The following IFT74 variants were observed in gnomAD, a reference collection of about 807,000 sequenced individuals.
The protein encoded by IFT74 is intraflagellar transport protein 74 homolog.
Under a neutral mutation model 96.7 loss-of-function variants are expected in IFT74, and 92 were observed. The ratio of observed to expected loss-of-function variants is 0.95; its 90% CI spans 0.80 to 1.13. The LOEUF (loss-of-function observed/expected upper bound fraction) is 1.13. IFT74 is among the 50% of genes most tolerant of loss of function. The pLI is 0.00. For synonymous variants in IFT74, 223 were observed against 213.2 expected, an observed-to-expected ratio of 1.05 and a Z score of -0.40; for missense variants, 811 against 698.2, an observed-to-expected ratio of 1.16 and a Z score of -1.82.
At chr9:27,038,060 C>G in intron 13 of IFT74, among the ~76,000 whole-genome samples, 1 of 152,188 alleles carries the variant, frequency 6.6e-6, no homozygotes, top group East Asian at 1.9e-4. Flanking sequence ...TTGTGCTGTC[C>G]TTGATGCTAA....
At chr9:27,045,300 A>G (rs1488635058) in intron 14 of IFT74, among the ~76,000 whole-genome samples, 1 of 152,194 alleles carries the variant, frequency 6.6e-6, no homozygotes, top group Non-Finnish European at 1.5e-5. Context: ...TCCCAAAACC[A>G]TCACCCGCAT....
intron 9 of IFT74, 136 bp downstream of exon 9, chr9:27,009,294 C>T: frequency 1.5e-6 from 1 of 649,012 alleles, no homozygotes; most frequent in Non-Finnish European, 2.6e-6. Context: ...ACAAGGTCCC[C>T]ATCTGATTCA....
Position 27,062,675 on chromosome 9 carries a change from A to C in IFT74, c.1742A>C (p.Lys581Thr). ...DYQPIKKNVT[K>T]QIAEYNKTIV... ...CAGCCAATTAAGAAAAATGTGACCA[A>C]GCAGATTGCAGAGTACAATAAAACC... The change falls in exon 20 of 20, where the codon AAG (lysine) becomes ACG (threonine). Residue 581 changes from lysine to threonine, a missense_variant. Coordinates refer to ENST00000380062, the MANE Select transcript of IFT74 (RefSeq NM_025103.4). 6.2e-7 allele frequency: 1 copy of C among 1,610,736 alleles called. No individual in the cohort carries two copies. Among genetic ancestry groups the C allele is most frequent in the Non-Finnish European group, 8.5e-7 (1 of 1,178,536 alleles).
chr9:26,975,478 C>A (rs371031197), intron 2 of IFT74, among the ~76,000 whole-genome samples: 1 of 152,268 alleles, frequency 6.6e-6, no homozygotes, highest in East Asian at 1.9e-4. Context: ...AATATTGTAT[C>A]ATTTGCTCTT....
chr9:27,062,284 C>A (rs967495220), intron 19 of IFT74, among the ~76,000 whole-genome samples: 1 of 151,978 alleles, frequency 6.6e-6, no homozygotes. Flanking sequence ...CTCTAGAGAA[C>A]GTGGTATGTG....
intron 15 of IFT74, among the ~76,000 whole-genome samples, chr9:27,047,842 G>GC (rs777184138): frequency 6.6e-6 from 1 of 151,894 alleles, no homozygotes; most frequent in East Asian, 1.9e-4. Flanking sequence ...TGAAATGCAT[G>GC]CCCCCCTTTC....
chr9:27,059,184 A>G (rs540773849), intron 18 of IFT74, among the ~76,000 whole-genome samples: 16 of 152,274 alleles, frequency 1.1e-4, no homozygotes, highest in African/African-American at 3.8e-4. Context: ...ACAATTTCGA[A>G]TCCTTCTCTG....
At position 27,055,724 on chromosome 9, in the gene IFT74, A is replaced by G. The variant is rs773255765; in HGVS notation, c.1449A>G (p.Ile483Met). Reference sequence around the variant, plus strand: ...AGCAAATGACAACTGATCTGGAGATATATAATGATTTGCCAGCTTTAAAAT... The same window carrying G: ...AGCAAATGACAACTGATCTGGAGATGTATAATGATTTGCCAGCTTTAAAAT... ...KIKQMTTDLEIYNDLPALKSS... is the reference protein window; with the variant it reads ...KIKQMTTDLEMYNDLPALKSS... The change falls in exon 17 of 20, where the codon ATA (isoleucine) becomes ATG (methionine). Residue 483 changes from isoleucine (I) to methionine (M), a missense_variant. Ile to Met is a conservative substitution (Grantham distance 10). Transcript: ENST00000380062. 2.6e-5 allele frequency: 41 copies of G among 1,576,352 alleles called. No homozygotes were observed. Among genetic ancestry groups the G allele is most frequent in the Admixed American group, 3.9e-5 (2 of 51,810 alleles).
intron 4 of IFT74, among the ~76,000 whole-genome samples, chr9:26,980,959 G>A (rs998817467): frequency 3.3e-5 from 5 of 152,126 alleles, no homozygotes; most frequent in South Asian, 2.1e-4. Context: ...TTCCGGAGAC[G>A]CAGAAGTCCA....
chr9:26,963,528 C>T (rs1240117909), intron 2 of IFT74, among the ~76,000 whole-genome samples: 5 of 150,586 alleles, frequency 3.3e-5, no homozygotes, highest in South Asian at 2.1e-4. Flanking sequence ...CCTGAGGAAT[C>T]GCCACACTGA....
At chr9:27,010,190 C>G (rs1184389560) in intron 9 of IFT74, among the ~76,000 whole-genome samples, 1 of 151,696 alleles carries the variant, frequency 6.6e-6, no homozygotes, top group Non-Finnish European at 1.5e-5. Context: ...GGGGTTTCAC[C>G]GTGTTAGTCA....
chr9:26,989,862 A>G (rs1827791976), intron 7 of IFT74, among the ~76,000 whole-genome samples: 1 of 152,200 alleles, frequency 6.6e-6, no homozygotes, highest in African/African-American at 2.4e-5. Flanking sequence ...TGCTGTTTAC[A>G]TAAATTGAAT....
At chr9:27,013,280 C>T (rs879526074) in intron 10 of IFT74, among the ~76,000 whole-genome samples, 3 of 152,120 alleles carry the variant, frequency 2.0e-5, no homozygotes, top group Admixed American at 2.0e-4. Flanking sequence ...TAGAGAACCT[C>T]CTCATTATTT....
chr9:26,949,252 C>A (rs1253178227), intron 1 of IFT74, among the ~76,000 whole-genome samples: 1 of 152,170 alleles, frequency 6.6e-6, no homozygotes, highest in East Asian at 1.9e-4. Context: ...TTAGTTCTCA[C>A]AATAACCCTG....
intron 16 of IFT74, among the ~76,000 whole-genome samples, chr9:27,051,900 ATTT>A (rs1449989030): frequency 6.6e-6 from 1 of 151,946 alleles, no homozygotes; most frequent in Non-Finnish European, 1.5e-5. Flanking sequence ...TCAGGATCCT[ATTT>A]TCATTTCTTT....
chr9:26,977,094 G>A (rs760263105), intron 2 of IFT74, among the ~76,000 whole-genome samples: 4 of 151,956 alleles, frequency 2.6e-5, no homozygotes, highest in East Asian at 1.9e-4. Context: ...TATCATTATC[G>A]ATCATCATTA....
At chr9:26,965,466 A>G (rs1363103382) in intron 2 of IFT74, among the ~76,000 whole-genome samples, 1 of 152,128 alleles carries the variant, frequency 6.6e-6, no homozygotes, top group East Asian at 1.9e-4. Flanking sequence ...ATATTAGGAC[A>G]TCGTCATCAA....
chr9:26,948,445 ATTATTTTTTTTT>A (rs1825818122), intron 1 of IFT74, among the ~76,000 whole-genome samples: 7 of 47,306 alleles, frequency 1.5e-4, no homozygotes, highest in African/African-American at 3.6e-4. Context: ...ATGGCTTTCC[ATTATTTTTTTTT>A]TTTTTTTTTT....
chr9:27,051,528 C>G (rs1444601036), intron 16 of IFT74, among the ~76,000 whole-genome samples: 2 of 152,156 alleles, frequency 1.3e-5, no homozygotes, highest in East Asian at 3.8e-4. Flanking sequence ...ATCTCTAGAA[C>G]TTTTTCATCT....
Sources: gnomAD v4.1 joint callset for allele counts (sites outside exome capture counted in the v4.1 genomes callset) on GRCh38, gnomAD v4.1.1 for gene constraint, MANE v1.5 for transcripts, NCBI Gene and HGNC (gene_info 2026-07-23, HGNC 2026-07-21) for gene names.